The following SLC45A4 variants were observed in gnomAD, a reference collection of about 807,000 sequenced individuals.
SLC45A4 encodes solute carrier family 45 member 4, also known as polyamine-transporter SLC45A4.
Under a neutral mutation model 63.7 loss-of-function variants are expected in SLC45A4, and 32 were observed. The observed-to-expected ratio is 0.50, with a 90% CI of 0.38 to 0.67. The LOEUF (loss-of-function observed/expected upper bound fraction) is 0.67, where lower values mean the gene tolerates loss of function less well. Ranked by LOEUF, SLC45A4 falls within the 30% of genes least tolerant of loss-of-function variation. SLC45A4 has a pLI of 0.00. For synonymous variants in SLC45A4, 535 were observed against 510.0 expected, an observed-to-expected ratio of 1.05 and a Z score of -0.66; for missense variants, 1,027 against 1,157.7, an observed-to-expected ratio of 0.89 and a Z score of 1.64.
At chr8:141,258,294 C>T (rs1001955983) in intron 1 of SLC45A4, among the ~76,000 whole-genome samples, 1 of 152,188 alleles carries the variant, frequency 6.6e-6, no homozygotes, top group Admixed American at 6.5e-5. Flanking sequence ...CTGCTCCGTG[C>T]CACCTAAACT....
At chr8:141,276,307 C>T (rs191237932) in intron 1 of SLC45A4, among the ~76,000 whole-genome samples, 2 of 152,340 alleles carry the variant, frequency 1.3e-5, no homozygotes, top group Admixed American at 1.3e-4. Flanking sequence ...ATATGACATT[C>T]AGGAGTGTTT....
intron 2 of SLC45A4, among the ~76,000 whole-genome samples, chr8:141,242,965 C>T (rs778623559): frequency 6.6e-6 from 1 of 152,202 alleles, no homozygotes; most frequent in Non-Finnish European, 1.5e-5. Flanking sequence ...AGCGGGGAGC[C>T]GGCAGGGCGA....
intron 2 of SLC45A4, among the ~76,000 whole-genome samples, chr8:141,235,120 G>T (rs1222338205): frequency 6.6e-6 from 1 of 152,194 alleles, no homozygotes; most frequent in Non-Finnish European, 1.5e-5. Context: ...GCCATGGCTT[G>T]GCTTGTTAAG....
chr8:141,296,924 C>G (rs13263831), intron 1 of SLC45A4, among the ~76,000 whole-genome samples: 20,921 of 151,436 alleles, frequency 0.14, 1,760 homozygotes, highest in Non-Finnish European at 0.19. Context: ...ATGTTTGAAC[C>G]AAGAAATGGG....
chr8:141,282,131 G>C (rs1467416663), intron 1 of SLC45A4, among the ~76,000 whole-genome samples: 1 of 152,192 alleles, frequency 6.6e-6, no homozygotes, highest in South Asian at 2.1e-4. Flanking sequence ...CAGAAATACA[G>C]GCAGGCCCGG....
At chr8:141,223,434 G>A (rs1158130103) in intron 2 of SLC45A4, among the ~76,000 whole-genome samples, 2 of 152,186 alleles carry the variant, frequency 1.3e-5, no homozygotes, top group Non-Finnish European at 2.9e-5. Context: ...TCAAAACTAC[G>A]CAGAGGGCGC....
At chr8:141,230,505 C>T (rs1336990787) in intron 2 of SLC45A4, among the ~76,000 whole-genome samples, 2 of 152,356 alleles carry the variant, frequency 1.3e-5, no homozygotes, top group African/African-American at 4.8e-5. Flanking sequence ...CCGGTGGCCA[C>T]GTGAAGGTCT....
At chr8:141,276,497 T>C (rs1180630150) in intron 1 of SLC45A4, among the ~76,000 whole-genome samples, 1 of 152,180 alleles carries the variant, frequency 6.6e-6, no homozygotes, top group Non-Finnish European at 1.5e-5. Context: ...GGCAACAGCA[T>C]GAAAGTGGCA....
Position 141,278,690 on chromosome 8 carries a change from G to A in SLC45A4, c.-400-24061C>T, listed in dbSNP as rs1829827416. ...TGGAGGAAATAGAGGAACTGTGAGT[G>A]AGCAGAAAAATGCAATGCAATCAGC... is the stretch of plus-strand genomic sequence containing the variant. On this transcript the variant is annotated intron_variant, in intron 1 of 8. Transcript: ENST00000517878. The surrounding 1 kb of genome is among the most constrained non-coding windows in gnomAD (Gnocchi z 4.1). Among the ~76,000 whole-genome samples, 1 of 152,272 alleles carries A rather than the reference G, an allele frequency of 6.6e-6. No individual in the cohort carries two copies. Among genetic ancestry groups the A allele is most frequent in the Admixed American group, 6.5e-5 (1 of 15,292 alleles).
At chr8:141,240,029 A>G (rs1287221293) in intron 2 of SLC45A4, among the ~76,000 whole-genome samples, 3 of 152,240 alleles carry the variant, frequency 2.0e-5, no homozygotes, top group African/African-American at 7.2e-5. Flanking sequence ...AGCTACAACA[A>G]ACCGTATCCT....
At chr8:141,242,058 A>C (rs1436259227) in intron 2 of SLC45A4, among the ~76,000 whole-genome samples, 1 of 152,200 alleles carries the variant, frequency 6.6e-6, no homozygotes, top group African/African-American at 2.4e-5. Flanking sequence ...GCCTATCCTC[A>C]AGCTCCCTGC....
intron 2 of SLC45A4, among the ~76,000 whole-genome samples, chr8:141,244,964 G>GGGA (rs1828103977): frequency 2.4e-5 from 3 of 123,042 alleles, no homozygotes; most frequent in African/African-American, 8.5e-5. Context: ...GGGTGGGGGG[G>GGGA]GGGGGCGGTG....
rs952068675 is a variant in SLC45A4 at position 141,210,843 on chromosome 8, C to A, written c.*729G>T. ...TCTCCTGATCTCAGTAAGCCTACAC[C>A]GACCGTTTCAAATAGGCTTAGTTCT... On this transcript the variant is annotated 3_prime_UTR_variant, in exon 9 of 9. Coordinates refer to ENST00000517878, the MANE Select transcript of SLC45A4 (RefSeq NM_001286646.2). 1 of 152,196 alleles carries A rather than the reference C, an allele frequency of 6.6e-6. No individual in the cohort carries two copies. The highest frequency in any genetic ancestry group is 2.4e-5 in the African/African-American group (1 of 41,446). The allele number at this position is 152,196 out of a possible 1,614,324, so 9.4% of individuals were successfully genotyped here.
chr8:141,245,219 C>G (rs1025394969), intron 2 of SLC45A4, among the ~76,000 whole-genome samples: 3 of 152,158 alleles, frequency 2.0e-5, no homozygotes, highest in African/African-American at 7.2e-5. Flanking sequence ...ATGCTGGTAT[C>G]TGCTGAGATA....
At chr8:141,261,318 A>C (rs1302038890) in intron 1 of SLC45A4, among the ~76,000 whole-genome samples, 1 of 152,180 alleles carries the variant, frequency 6.6e-6, no homozygotes, top group Non-Finnish European at 1.5e-5. Flanking sequence ...GGCACAAGAC[A>C]GGGATGCCCT....
In SLC45A4 at chr8:141,256,093, G is replaced by T. The variant is rs1183406945; in HGVS notation, c.-400-1464C>A. On this transcript the variant is annotated intron_variant, in intron 1 of 8. Transcript: ENST00000517878. This position sits in a 1 kb window ranked among gnomAD's most constrained non-coding sequence, Gnocchi z 4.3. Reference sequence around the variant, plus strand: ...GCTTGGTGACAAATTCCCCACCTGGGCAAACACATACAATAAAGCAGCAAT... The same window carrying T: ...GCTTGGTGACAAATTCCCCACCTGGTCAAACACATACAATAAAGCAGCAAT... Among the ~76,000 whole-genome samples the T allele has an allele frequency of 6.6e-6, 1 of 152,110 alleles. No homozygotes were observed. The highest frequency in any genetic ancestry group is 1.5e-5 in the Non-Finnish European group (1 of 68,038).
chr8:141,268,885 T>C (rs149012573), intron 1 of SLC45A4, among the ~76,000 whole-genome samples: 30 of 152,304 alleles, frequency 2.0e-4, no homozygotes, highest in African/African-American at 2.4e-4. Flanking sequence ...CTGCCTCTGA[T>C]CATACAACGA....
At chr8:141,272,631 C>T (rs990885727) in intron 1 of SLC45A4, among the ~76,000 whole-genome samples, 1 of 152,210 alleles carries the variant, frequency 6.6e-6, no homozygotes, top group Non-Finnish European at 1.5e-5. Context: ...CCACGGGGCC[C>T]TTGCCACACG....
At chr8:141,224,341 C>T (rs763996804) in intron 2 of SLC45A4, 2 of 152,358 alleles carry the variant, frequency 1.3e-5, no homozygotes, top group Non-Finnish European at 2.9e-5. Context: ...GGACACACAT[C>T]CTGGTTGGGC....
Sources: gnomAD v4.1 joint callset for allele counts (sites outside exome capture counted in the v4.1 genomes callset) on GRCh38, gnomAD v4.1.1 for gene constraint, Gnocchi (gnomAD v3.1) non-coding constraint, MANE v1.5 for transcripts, NCBI Gene and HGNC (gene_info 2026-07-23, HGNC 2026-07-21) for gene names.